Variants in MACROD2 observed in about 807,000 individuals in gnomAD.
MACROD2 encodes mono-ADP ribosylhydrolase 2.
In MACROD2, 36 loss-of-function variants were observed where a neutral mutation model predicts 70.4. The ratio of observed to expected loss-of-function variants is 0.51; its 90% CI spans 0.39 to 0.68. MACROD2 has a LOEUF of 0.68. Ranked by LOEUF, MACROD2 falls within the 30% of genes least tolerant of loss-of-function variation. The pLI is 0.00. For synonymous variants in MACROD2, 172 were observed against 178.8 expected, an observed-to-expected ratio of 0.96 and a Z score of 0.30; for missense variants, 496 against 538.4, an observed-to-expected ratio of 0.92 and a Z score of 0.78.
intron 5 of MACROD2, among the ~76,000 whole-genome samples, chr20:15,112,563 A>G (rs768013213): frequency 6.6e-6 from 1 of 152,206 alleles, no homozygotes; most frequent in African/African-American, 2.4e-5. Flanking sequence ...CAACTAAGAA[A>G]TGGTAAAACC....
Position 15,995,875 on chromosome 20 carries a change from G to A in MACROD2, c.1153+8717G>A, listed in dbSNP as rs201369858. Among the ~76,000 whole-genome samples, 5 of 150,452 alleles carry A rather than the reference G, an allele frequency of 3.3e-5. No homozygotes were observed. In the East Asian group the frequency reaches 1.0e-3, roughly 31 times the overall value. ...AAATGTGAGGTGTGTGTGTGTGTGT[G>A]TGTATGTGTGTGTCACATTTTTCTC... On this transcript the variant is annotated intron_variant, in intron 15 of 17. Coordinates refer to ENST00000684519, the MANE Select transcript of MACROD2 (RefSeq NM_001351661.2).
chr20:15,692,003 T>C (rs1236876809), intron 8 of MACROD2, among the ~76,000 whole-genome samples: 1 of 152,202 alleles, frequency 6.6e-6, no homozygotes, highest in Non-Finnish European at 1.5e-5. Flanking sequence ...TATGATCATA[T>C]AGAGACACTC....
chr20:15,295,049 G>C (rs2077573868), intron 6 of MACROD2, among the ~76,000 whole-genome samples: 1 of 152,172 alleles, frequency 6.6e-6, no homozygotes, highest in East Asian at 1.9e-4. Context: ...GGGACCCAGT[G>C]GGAGGTAATT....
intron 12 of MACROD2, among the ~76,000 whole-genome samples, chr20:15,962,884 C>A (rs1404534958): frequency 6.6e-6 from 1 of 152,210 alleles, no homozygotes; most frequent in Non-Finnish European, 1.5e-5. Context: ...TCCAGCTTCA[C>A]TGGGACCAAG....
intron 3 of MACROD2, among the ~76,000 whole-genome samples, chr20:14,408,879 A>G (rs1166276461): frequency 1.3e-5 from 2 of 152,130 alleles, no homozygotes; most frequent in Non-Finnish European, 2.9e-5. Flanking sequence ...AACTATTTTT[A>G]GGGCTGTTTG....
chr20:15,849,999 C>T (rs1023424170), intron 8 of MACROD2, among the ~76,000 whole-genome samples: 2 of 152,116 alleles, frequency 1.3e-5, no homozygotes, highest in Non-Finnish European at 1.5e-5. Context: ...GGCAGCAGCC[C>T]GTACCTTATC....
intron 5 of MACROD2, among the ~76,000 whole-genome samples, chr20:14,738,728 A>G (rs1412207184): frequency 6.6e-6 from 1 of 151,770 alleles, no homozygotes; most frequent in Non-Finnish European, 1.5e-5. Context: ...TGTTCTTTAC[A>G]TAAAATATCT....
intron 3 of MACROD2, among the ~76,000 whole-genome samples, chr20:14,259,855 AG>A (rs1159541771): frequency 6.6e-6 from 1 of 152,190 alleles, no homozygotes; most frequent in Non-Finnish European, 1.5e-5. Flanking sequence ...TGGGATATAG[AG>A]GGGAGGCGGG....
chr20:15,106,417 T>C (rs1168391546), intron 5 of MACROD2, among the ~76,000 whole-genome samples: 4 of 152,200 alleles, frequency 2.6e-5, no homozygotes, highest in African/African-American at 9.6e-5. Context: ...TGAATACCTA[T>C]TCTGTATAAG....
intron 5 of MACROD2, among the ~76,000 whole-genome samples, chr20:15,088,396 T>A (rs1280478430): frequency 1.0e-5 from 1 of 99,544 alleles, no homozygotes; most frequent in African/African-American, 4.3e-5. Flanking sequence ...TATACTATAT[T>A]TTATATATAT....
chr20:14,556,636 C>T (rs1264184351), intron 4 of MACROD2, among the ~76,000 whole-genome samples: 1 of 152,038 alleles, frequency 6.6e-6, no homozygotes, highest in Non-Finnish European at 1.5e-5. Context: ...CATTCCCATA[C>T]ATTGATACTG....
intron 4 of MACROD2, among the ~76,000 whole-genome samples, chr20:14,611,289 T>A (rs959790193): frequency 7.9e-5 from 12 of 152,108 alleles, no homozygotes; most frequent in Non-Finnish European, 5.9e-5. Context: ...GTTTCCCAGA[T>A]GTGAAACATT....
Position 13,995,852 on chromosome 20 carries a change from T to TGGG in MACROD2, c.46+43_46+44insGGG. The stretch of plus-strand genomic sequence containing the variant: ...TCCTGGGGGTGCGGGCGGTGGGGGT[T>TGGG]AGGGTGGGGGCGGGGGTCAGGCTGT... On this transcript the variant is annotated intron_variant, in intron 1 of 17. Coordinates refer to ENST00000684519, the MANE Select transcript of MACROD2 (RefSeq NM_001351661.2). This position sits in a 1 kb window ranked among gnomAD's most constrained non-coding sequence, Gnocchi z 4.3. 1.3e-6 allele frequency: 1 copy of TGGG among 782,424 alleles called. No homozygotes were observed. Among genetic ancestry groups the TGGG allele is most frequent in the Non-Finnish European group, 2.0e-6 (1 of 496,728 alleles). 48.5% of individuals were successfully genotyped at this position (782,424 alleles called of 1,614,324 possible).
intron 12 of MACROD2, among the ~76,000 whole-genome samples, chr20:15,956,716 C>A (rs2065982213): frequency 6.6e-6 from 1 of 152,134 alleles, no homozygotes. Context: ...CTACCCCAGA[C>A]CTTCAGGATC....
At chr20:15,525,734 C>T (rs537666751) in intron 8 of MACROD2, among the ~76,000 whole-genome samples, 4 of 152,256 alleles carry the variant, frequency 2.6e-5, no homozygotes, top group African/African-American at 4.8e-5. Flanking sequence ...CATTAAAAGG[C>T]GGTTTGGGTA....
Position 14,026,322 on chromosome 20 carries a change from G to A in MACROD2, c.163+23918G>A, listed in dbSNP as rs191444268. On this transcript the variant is annotated intron_variant, in intron 2 of 17. Transcript: ENST00000684519. ...ATTTGCCAGTCTGTGTCTTTTAATC[G>A]GGGCATTTAGCCTGTTTACATTTAA... is the stretch of plus-strand genomic sequence containing the variant. Among the ~76,000 whole-genome samples, 38 of 152,154 alleles carry A rather than the reference G, an allele frequency of 2.5e-4. No homozygotes were observed. The East Asian group carries it at 6.4e-3, about 25-fold the overall frequency.
chr20:15,561,904 C>T (rs1323456741), intron 8 of MACROD2, among the ~76,000 whole-genome samples: 1 of 151,994 alleles, frequency 6.6e-6, no homozygotes, highest in African/African-American at 2.4e-5. Flanking sequence ...TTTAGTAGAT[C>T]TCAACAATTA....
chr20:14,097,777 C>G (rs1023365892), intron 3 of MACROD2, among the ~76,000 whole-genome samples: 1 of 152,124 alleles, frequency 6.6e-6, no homozygotes, highest in Non-Finnish European at 1.5e-5. Context: ...GGATGGGACC[C>G]AAGTCTAAAC....
chr20:15,967,679 C>CAT, intron 13 of MACROD2, 49 bp downstream of exon 13: 134 of 277,670 alleles, frequency 4.8e-4, no homozygotes, highest in Non-Finnish European at 6.1e-4. Context: ...TGCTGGGAAA[C>CAT]AGAAAAAAAA....
Sources: allele counts gnomAD v4.1 joint callset (sites outside exome capture counted in the v4.1 genomes callset), GRCh38; gene constraint gnomAD v4.1.1; non-coding constraint Gnocchi (gnomAD v3.1); transcripts MANE v1.5; gene names NCBI Gene and HGNC (gene_info 2026-07-23, HGNC 2026-07-21).